The following ADAMTS14 variants were observed in gnomAD, a reference collection of about 807,000 sequenced individuals.
The protein encoded by ADAMTS14 is A disintegrin and metalloproteinase with thrombospondin motifs 14.
ADAMTS14 carries 100 observed loss-of-function variants against 128.6 expected under a neutral mutation model. That is an observed-to-expected ratio of 0.78 (90% CI 0.66 to 0.92). The LOEUF is 0.92. Ranked by LOEUF, ADAMTS14 falls within the 40% of genes least tolerant of loss-of-function variation. ADAMTS14 has a pLI of 0.00. For missense variants in ADAMTS14, 1,562 were observed against 1,658.6 expected, an observed-to-expected ratio of 0.94 and a Z score of 1.01; for synonymous variants, 665 against 653.8, an observed-to-expected ratio of 1.02 and a Z score of -0.26.
intron 21 of ADAMTS14, among the ~76,000 whole-genome samples, chr10:70,759,131 C>CGG (rs1365378980): frequency 2.5e-5 from 3 of 121,180 alleles, no homozygotes; most frequent in African/African-American, 3.1e-5. Context: ...CAATCTTCTA[C>CGG]TTCTCTGCTC....
At chr10:70,758,755 A>G (rs912077407) in intron 21 of ADAMTS14, among the ~76,000 whole-genome samples, 6 of 152,218 alleles carry the variant, frequency 3.9e-5, no homozygotes, top group African/African-American at 1.4e-4. Flanking sequence ...TAATTGGATG[A>G]GAGAATGCAT....
At chr10:70,749,462 C>T (rs1489066383) in intron 15 of ADAMTS14, among the ~76,000 whole-genome samples, 1 of 152,184 alleles carries the variant, frequency 6.6e-6, no homozygotes. Flanking sequence ...GGCAGAATCC[C>T]TGAGGACTGG....
At chr10:70,725,771 G>A (rs992659454) in intron 4 of ADAMTS14, among the ~76,000 whole-genome samples, 4 of 152,116 alleles carry the variant, frequency 2.6e-5, no homozygotes, top group Non-Finnish European at 4.4e-5. Context: ...TAGCTACCTT[G>A]GTTGCCAGTG....
chr10:70,716,842 A>G (rs1331657991), intron 4 of ADAMTS14, among the ~76,000 whole-genome samples: 2 of 152,156 alleles, frequency 1.3e-5, no homozygotes, highest in African/African-American at 4.8e-5. Context: ...GGCCCTGGGC[A>G]CTGCTGTCAG....
rs544495460 is a variant in ADAMTS14 at position 70,710,793 on chromosome 10, CTG to C, written c.870+2017_870+2018del. Among the ~76,000 whole-genome samples the C allele has an allele frequency of 2.0e-5, 3 of 152,298 alleles. No homozygotes were observed. In the South Asian group the frequency reaches 6.2e-4, roughly 32 times the overall value. On this transcript the variant is annotated intron_variant, in intron 4 of 21. Coordinates refer to ENST00000373207, the MANE Select transcript of ADAMTS14 (RefSeq NM_080722.4). ...ACAGCATGGCCATGCAGAGCATGCG[CTG>C]TCAGTGGGTGGTGGTTGGTGATAAT... is the stretch of plus-strand genomic sequence containing the variant.
intron 16 of ADAMTS14, among the ~76,000 whole-genome samples, chr10:70,750,822 T>G (rs1842327770): frequency 6.6e-6 from 1 of 152,120 alleles, no homozygotes; most frequent in Non-Finnish European, 1.5e-5. Flanking sequence ...TTCTACCCCT[T>G]CCTCACACCA....
At chr10:70,743,253 C>A (rs921312571) in intron 12 of ADAMTS14, among the ~76,000 whole-genome samples, 1 of 152,204 alleles carries the variant, frequency 6.6e-6, no homozygotes, top group Non-Finnish European at 1.5e-5. Context: ...ATTCACTAAG[C>A]ATTGGCTTAT....
At chr10:70,702,163 G>A (rs1840511951) in intron 2 of ADAMTS14, 149 bp from the exon 3 acceptor site, 2 of 1,191,122 alleles carry the variant, frequency 1.7e-6, no homozygotes, top group Non-Finnish European at 1.2e-6. Context: ...GAACATCCTG[G>A]AATCCCAGGG....
intron 21 of ADAMTS14, 21 bp downstream of exon 21, chr10:70,758,306 C>G: frequency 6.2e-7 from 1 of 1,603,596 alleles, no homozygotes; most frequent in Non-Finnish European, 8.5e-7. Context: ...TCTATGGACC[C>G]TACCCTGCTC....
intron 2 of ADAMTS14, among the ~76,000 whole-genome samples, chr10:70,687,837 G>A (rs1419580400): frequency 0.018 from 741 of 41,152 alleles, no homozygotes; most frequent in Middle Eastern, 0.038. Context: ...CTCACCTCCC[G>A]GACGGGGCGG....
chr10:70,753,833 G>A lies in ADAMTS14; in HGVS notation c.2763G>A (p.Arg921=). The A allele has an allele frequency of 6.3e-7, 1 of 1,591,104 alleles. No individual in the cohort carries two copies. The highest frequency in any genetic ancestry group is 2.3e-5 in the East Asian group (1 of 44,080). ...WVTEEWGACS[R]SCGKLGVQTR... ...CGGAGGAGTGGGGTGCCTGCAGCCG[G>A]AGCTGTGGGAAGCTGGGGGTGCAGA... Residue 921 remains arginine (R), a synonymous_variant, in exon 19 of 22, where the codon CGG becomes CGA. Coordinates refer to ENST00000373207, the MANE Select transcript of ADAMTS14 (RefSeq NM_080722.4).
At chr10:70,688,889 G>C (rs1347048823) in intron 2 of ADAMTS14, among the ~76,000 whole-genome samples, 2 of 66,522 alleles carry the variant, frequency 3.0e-5, no homozygotes, top group Non-Finnish European at 2.8e-5. Context: ...GGGAGGGGGA[G>C]GGGGAGGGAG....
rs567119850 is a variant in ADAMTS14, at chr10:70,736,729, A to T, written c.1535A>T (p.Asn512Ile). The change falls in exon 10 of 22, where the codon AAC (asparagine) becomes ATC (isoleucine). Residue 512 changes from asparagine to isoleucine, a missense_variant. Transcript: ENST00000373207. ...CKQLWCSHPD[N>I]PYFCKTKKGP... ...CAGCTGTGGTGCAGCCATCCTGACA[A>T]CCCGTACTTCTGCAAGACCAAGAAG... 13 of 1,613,770 alleles carry T rather than the reference A, an allele frequency of 8.1e-6. No homozygotes were observed. The African/African-American group carries it at 1.1e-4, about 13-fold the overall frequency.
intron 4 of ADAMTS14, among the ~76,000 whole-genome samples, chr10:70,717,841 C>T (rs1841107101): frequency 6.6e-6 from 1 of 152,194 alleles, no homozygotes; most frequent in Non-Finnish European, 1.5e-5. Flanking sequence ...CACCCTGCCC[C>T]ACCTGGCTGA....
At chr10:70,754,108 T>TC in intron 19 of ADAMTS14, 101 bp downstream of exon 19, 1 of 1,119,354 alleles carries the variant, frequency 8.9e-7, no homozygotes, top group Non-Finnish European at 1.2e-6. Context: ...CCTGAATGGC[T>TC]CCCCCTACAT....
At chr10:70,740,847 C>T in intron 11 of ADAMTS14, 140 bp from the exon 12 acceptor site, 1 of 847,902 alleles carries the variant, frequency 1.2e-6, no homozygotes, top group Non-Finnish European at 1.8e-6. Context: ...CCCTGGGAGC[C>T]ATTCTCTGGT....
rs754798907 is a variant in ADAMTS14 at position 70,729,345 on chromosome 10, C to G, written c.922C>G (p.Leu308Val). Residue 308 changes from leucine to valine, a missense_variant, in exon 5 of 22, where the codon CTC becomes GTC. Transcript: ENST00000373207. ...ESLGVHINIA[L>V]VRLIMVGYRQ... ...CCTGGGGGTTCATATAAATATTGCC[C>G]TCGTCCGCTTGATCATGGTTGGCTA... 1.9e-6 allele frequency: 3 copies of G among 1,613,882 alleles called. No individual in the cohort carries two copies. Among genetic ancestry groups the G allele is most frequent in the South Asian group, 2.2e-5 (2 of 91,062 alleles).
rs144361333 is a variant in ADAMTS14, at chr10:70,677,884, T to C, written c.522+2889T>C. On this transcript the variant is annotated intron_variant, in intron 2 of 21. Transcript: ENST00000373207. ...TGGACTCAAAGGCCACGGTGTAGCA[T>C]TTCTGATAAGATTGAACTCTGCATC... is the stretch of plus-strand genomic sequence containing the variant. Among the ~76,000 whole-genome samples the C allele has an allele frequency of 3.9e-3, 588 of 152,356 alleles. 7 individuals are homozygous for C. The highest frequency in any genetic ancestry group is 0.013 in the African/African-American group (560 of 41,580).
intron 2 of ADAMTS14, among the ~76,000 whole-genome samples, chr10:70,689,911 C>T (rs564815832): frequency 3.4e-5 from 5 of 145,260 alleles, no homozygotes; most frequent in South Asian, 4.4e-4. Flanking sequence ...GCGACGTCCT[C>T]CCTGGCAACC....
Sources: gnomAD v4.1 joint callset for allele counts (sites outside exome capture counted in the v4.1 genomes callset) on GRCh38, gnomAD v4.1.1 for gene constraint, MANE v1.5 for transcripts, NCBI Gene and HGNC (gene_info 2026-07-23, HGNC 2026-07-21) for gene names.